CDH1: variants seen among roughly 807,000 people sequenced by gnomAD.
The protein encoded by CDH1 is cadherin 1.
Under a neutral mutation model 84.5 loss-of-function variants are expected in CDH1, and 35 were observed. The ratio of observed to expected loss-of-function variants is 0.41; its 90% CI spans 0.32 to 0.55. The LOEUF (loss-of-function observed/expected upper bound fraction) is 0.55. Among genes scored for constraint, CDH1 ranks in the 20% least tolerant of loss-of-function variants. CDH1 has a pLI of 0.19. For missense variants in CDH1, 994 were observed against 1,126.6 expected, an observed-to-expected ratio of 0.88 and a Z score of 1.68; for synonymous variants, 417 against 439.0, an observed-to-expected ratio of 0.95 and a Z score of 0.63.
chr16:68,813,710 C>T (rs1960908850), intron 9 of CDH1: 1 of 687,104 alleles, frequency 1.5e-6, no homozygotes, highest in Non-Finnish European at 2.7e-6. Context: ...CGCCTGTAAT[C>T]CCAGCACTTA....
Position 68,760,853 on chromosome 16 carries a change from G to T in CDH1, c.163+22442G>T, listed in dbSNP as rs553302620. 2.6e-5 allele frequency among the ~76,000 whole-genome samples: 4 copies of T among 152,288 alleles called. No individual in the cohort carries two copies. In the East Asian group the frequency reaches 7.7e-4, roughly 29 times the overall value. Reference sequence around the variant, plus strand: ...AGTGGGGAGGCCAGGGGGAGTCTGGGATGTGGGGTGGTATGTGAACAGGAA... The same window carrying T: ...AGTGGGGAGGCCAGGGGGAGTCTGGTATGTGGGGTGGTATGTGAACAGGAA... On this transcript the variant is annotated intron_variant, in intron 2 of 15. Coordinates refer to ENST00000261769, the MANE Select transcript of CDH1 (RefSeq NM_004360.5).
In CDH1 at chr16:68,833,426, A is replaced by G. The variant is rs1596976571; in HGVS notation, c.2576A>G (p.Tyr859Cys). Reference protein sequence around the residue: ...NSSESDKDQDYDYLNEWGNRF... With the variant: ...NSSESDKDQDCDYLNEWGNRF... ...TCAGAGTCAGACAAAGACCAGGACT[A>G]TGACTACTTGAACGAATGGGGCAAT... Residue 859 changes from tyrosine (Y) to cysteine (C), a missense_variant, in exon 16 of 16, where the codon TAT becomes TGT. By Grantham distance (194) the Tyr-to-Cys change is radical. Coordinates refer to ENST00000261769, the MANE Select transcript of CDH1 (RefSeq NM_004360.5). The G allele has an allele frequency of 1.9e-6, 3 of 1,614,200 alleles. No homozygotes were observed. The highest frequency in any genetic ancestry group is 2.5e-6 in the Non-Finnish European group (3 of 1,180,036).
chr16:68,766,738 CT>C (rs11426768), intron 2 of CDH1, among the ~76,000 whole-genome samples: 1 of 150,320 alleles, frequency 6.7e-6, no homozygotes, highest in South Asian at 2.1e-4. Context: ...CTAGAACCCC[CT>C]TTTTTTTTGA....
At chr16:68,777,557 T>TTTTTTTTG (rs1959765730) in intron 2 of CDH1, among the ~76,000 whole-genome samples, 5 of 145,288 alleles carry the variant, frequency 3.4e-5, no homozygotes, top group African/African-American at 7.6e-5. Flanking sequence ...TTTTTTTTTT[T>TTTTTTTTG]GAGAAGGGGG....
At chr16:68,795,861 C>G (rs1183848687) in intron 2 of CDH1, among the ~76,000 whole-genome samples, 1 of 151,452 alleles carries the variant, frequency 6.6e-6, no homozygotes, top group South Asian at 2.1e-4. Context: ...TTCAAATGGT[C>G]TTTGAATAAA....
rs779351070 is a variant in CDH1 at position 68,822,121 on chromosome 16, T to A, written c.1832T>A (p.Val611Asp). The A allele has an allele frequency of 6.2e-7, 1 of 1,614,054 alleles. No homozygotes were observed. The highest frequency in any genetic ancestry group is 8.5e-7 in the Non-Finnish European group (1 of 1,180,004). ...TGTGAGAGGAATCCAAAGCCTCAGGTCATAAACATCATTGATGCAGACCTT... is the reference window on the plus strand; with the variant it reads ...TGTGAGAGGAATCCAAAGCCTCAGGACATAAACATCATTGATGCAGACCTT... ...FFCERNPKPQ[V>D]INIIDADLPP... Residue 611 changes from valine (V) to aspartate (D), a missense_variant, in exon 12 of 16, where the codon GTC becomes GAC. Coordinates refer to ENST00000261769, the MANE Select transcript of CDH1 (RefSeq NM_004360.5).
In CDH1 at chr16:68,808,668, T is replaced by C. The variant is rs1360937602; in HGVS notation, c.532-25T>C. 7 of 1,613,954 alleles carry C rather than the reference T, an allele frequency of 4.3e-6. No homozygotes were observed. The highest frequency in any genetic ancestry group is 1.7e-5 in the Admixed American group (1 of 59,990). ...AGTGTTGGGATCCTTCTTTACTAATTCTTTTTCTTTCATTTTGTCTTCAGA... is the reference window on the plus strand; with the variant it reads ...AGTGTTGGGATCCTTCTTTACTAATCCTTTTTCTTTCATTTTGTCTTCAGA... On this transcript the variant is annotated intron_variant, in intron 4 of 15. Coordinates refer to ENST00000261769, the MANE Select transcript of CDH1 (RefSeq NM_004360.5).
chr16:68,743,655 C>T (rs916259821), intron 2 of CDH1, among the ~76,000 whole-genome samples: 3 of 152,028 alleles, frequency 2.0e-5, no homozygotes, highest in Admixed American at 1.3e-4. Flanking sequence ...CGTGAGCCAC[C>T]GAGCCGGGCC....
chr16:68,799,036 A>T (rs918107676), intron 2 of CDH1, among the ~76,000 whole-genome samples: 11 of 152,242 alleles, frequency 7.2e-5, no homozygotes, highest in Non-Finnish European at 1.5e-5. Context: ...TGGTCTTCAC[A>T]AAACCCTAAA....
At chr16:68,750,474 A>G (rs1304243451) in intron 2 of CDH1, among the ~76,000 whole-genome samples, 1 of 152,060 alleles carries the variant, frequency 6.6e-6, no homozygotes, top group African/African-American at 2.4e-5. Context: ...GGGCCTGCCT[A>G]GAAGGGTTGA....
Position 68,810,253 on chromosome 16 carries a change from T to A in CDH1, c.744T>A (p.Ile248=). 6.2e-7 allele frequency: 1 copy of A among 1,614,164 alleles called. No homozygotes were observed. Among genetic ancestry groups the A allele is most frequent in the Non-Finnish European group, 8.5e-7 (1 of 1,179,990 alleles). ...NGNAVEDPME[I]LITVTDQNDN... ...ATGCAGTTGAGGATCCAATGGAGAT[T>A]TTGATCACGGTAACCGATCAGAATG... The change falls in exon 6 of 16, where the codon ATT becomes ATA. Residue 248 remains isoleucine, a synonymous_variant. Coordinates refer to ENST00000261769, the MANE Select transcript of CDH1 (RefSeq NM_004360.5).
intron 2 of CDH1, chr16:68,770,845 G>A (rs1302805714): frequency 6.6e-6 from 1 of 152,026 alleles, no homozygotes; most frequent in Non-Finnish European, 1.5e-5. Context: ...CGGGAGATAA[G>A]CTGGGAGGGG....
rs761940299 is a variant in CDH1, at chr16:68,821,991, T to G, written c.1712-10T>G. On this transcript the variant is annotated splice_polypyrimidine_tract_variant and intron_variant, in intron 11 of 15. Coordinates refer to ENST00000261769, the MANE Select transcript of CDH1 (RefSeq NM_004360.5). ...CCAAGCTGCCACATTTTCTGTGTAT[T>G]TTCTCTTAGGTTCTCCAGTTGCTAC... 1 of 1,610,566 alleles carries G rather than the reference T, an allele frequency of 6.2e-7. No individual in the cohort carries two copies. Among genetic ancestry groups the G allele is most frequent in the South Asian group, 1.1e-5 (1 of 91,006 alleles).
intron 2 of CDH1, among the ~76,000 whole-genome samples, chr16:68,776,071 C>T (rs994763358): frequency 3.3e-5 from 5 of 152,156 alleles, no homozygotes; most frequent in Non-Finnish European, 5.9e-5. Flanking sequence ...CTACCTCCCA[C>T]CCCCAGGTTC....
At chr16:68,828,439 T>C (rs1961387607) in intron 14 of CDH1, 135 bp downstream of exon 14, 2 of 824,640 alleles carry the variant, frequency 2.4e-6, no homozygotes, top group African/African-American at 1.7e-5. Flanking sequence ...CCCAAGAAAG[T>C]AGACATTGTC....
intron 2 of CDH1, among the ~76,000 whole-genome samples, chr16:68,767,554 C>T (rs557613711): frequency 6.6e-6 from 1 of 152,190 alleles, no homozygotes; most frequent in Admixed American, 6.5e-5. Context: ...TGGGGATTCT[C>T]TTTCTCATAG....
intron 5 of CDH1, 110 bp downstream of exon 5, chr16:68,808,958 AACTTGAC>A: frequency 2.0e-6 from 2 of 980,328 alleles, no homozygotes; most frequent in Non-Finnish European, 3.2e-6. Flanking sequence ...TGAGGAGCTT[AACTTGAC>A]ACCTCTTGAC....
chr16:68,780,352 AG>A (rs2152121879), intron 2 of CDH1, among the ~76,000 whole-genome samples: 1 of 152,140 alleles, frequency 6.6e-6, no homozygotes, highest in South Asian at 2.1e-4. Flanking sequence ...CCCAGGTTGG[AG>A]TGCAGTGGCA....
intron 2 of CDH1, among the ~76,000 whole-genome samples, chr16:68,778,529 C>G (rs1042749310): frequency 1.3e-5 from 2 of 152,160 alleles, no homozygotes; most frequent in Non-Finnish European, 2.9e-5. Flanking sequence ...TGGTCCTGCC[C>G]TATGTGTAGA....
Sources: allele counts gnomAD v4.1 joint callset (sites outside exome capture counted in the v4.1 genomes callset), GRCh38; gene constraint gnomAD v4.1.1; transcripts MANE v1.5; gene names NCBI Gene and HGNC (gene_info 2026-07-23, HGNC 2026-07-21).